MTO1: variants seen among roughly 807,000 people sequenced by gnomAD.
MTO1 encodes 5-taurinomethyluridine-[tRNA] synthase subunit MTO1, mitochondrial.
MTO1 carries 46 observed loss-of-function variants against 71.6 expected under a neutral mutation model. The observed-to-expected ratio is 0.64, with a 90% CI of 0.51 to 0.82. The LOEUF is 0.82. MTO1 is among the 40% of genes least tolerant of loss of function. The probability of loss-of-function intolerance (pLI) is 0.00; values close to 1 mark genes in which losing one functional copy is unlikely to be tolerated. For synonymous variants in MTO1, 297 were observed against 312.1 expected (o/e 0.95, Z 0.51); for missense variants, 773 against 867.5 (o/e 0.89, Z 1.37).
intron 9 of MTO1, among the ~76,000 whole-genome samples, chr6:73,483,361 A>G (rs907586011): frequency 6.6e-6 from 1 of 151,962 alleles, no homozygotes; most frequent in Non-Finnish European, 1.5e-5. Context: ...GTGAGCCAAG[A>G]TCACGCCTCT....
chr6:73,474,855 A>G (rs1431224835), intron 4 of MTO1, among the ~76,000 whole-genome samples: 1 of 151,730 alleles, frequency 6.6e-6, no homozygotes, highest in Non-Finnish European at 1.5e-5. Flanking sequence ...TCCCAGGTTC[A>G]AGCAATTCTC....
intron 10 of MTO1, among the ~76,000 whole-genome samples, chr6:73,493,556 A>G (rs1044239772): frequency 9.3e-5 from 14 of 151,322 alleles, no homozygotes; most frequent in Admixed American, 9.2e-4. Context: ...AGGCCCGGCA[A>G]ATTTTTGTAT....
chr6:73,462,291 C>T lies in MTO1; in HGVS notation c.217+220C>T, dbSNP rs1163578025. 5 of 595,450 alleles carry T rather than the reference C, an allele frequency of 8.4e-6. No homozygotes were observed. The East Asian group carries it at 1.1e-4, about 13-fold the overall frequency. The allele number at this position is 595,450 out of a possible 1,614,324, so 36.9% of individuals were successfully genotyped here. A position where few individuals can be genotyped will look rare whatever the true frequency, so the allele number is the denominator to read the frequency against. ...GAACCATAGATTATGCTGCTGCTGA[C>T]AGTCGTCCGTTGTAGGAGGTTGGGG... On this transcript the variant is annotated intron_variant, in intron 1 of 11. Coordinates refer to ENST00000498286, the MANE Select transcript of MTO1 (RefSeq NM_012123.4).
chr6:73,477,744 G>A (rs1197551508), intron 4 of MTO1, among the ~76,000 whole-genome samples: 2 of 151,758 alleles, frequency 1.3e-5, no homozygotes, highest in African/African-American at 4.8e-5. Context: ...TGGACTGAAG[G>A]GATCTGCCTG....
At chr6:73,487,561 T>G (rs1486057074) in intron 9 of MTO1, 4 of 150,918 alleles carry the variant, frequency 2.7e-5, no homozygotes, top group Non-Finnish European at 2.9e-5. Flanking sequence ...TGTGGGTTTT[T>G]TTTTTTTTTT....
chr6:73,465,605 GA>G (rs1460802120), intron 1 of MTO1, among the ~76,000 whole-genome samples: 3 of 152,128 alleles, frequency 2.0e-5, no homozygotes, highest in African/African-American at 4.8e-5. Context: ...ACTTGGTTTA[GA>G]AAGGTTTCAT....
rs554618928 is a variant in MTO1 at position 73,490,892 on chromosome 6, G to A, written c.1638-1342G>A. 6.6e-5 allele frequency among the ~76,000 whole-genome samples: 10 copies of A among 152,210 alleles called. No individual in the cohort carries two copies. The South Asian group carries it at 1.7e-3, about 25-fold the overall frequency. On this transcript the variant is annotated intron_variant, in intron 9 of 11. Coordinates refer to ENST00000498286, the MANE Select transcript of MTO1 (RefSeq NM_012123.4). ...TGGGGGCTTTGTAATATCAAGAGGG[G>A]AGACCTGAGATCAGTATAAAAGGGA... is the stretch of plus-strand genomic sequence containing the variant.
rs749354721 is a variant in MTO1, at chr6:73,462,046, C to T, written c.192C>T (p.Leu64=). The T allele has an allele frequency of 5.0e-6, 8 of 1,613,754 alleles. No individual in the cohort carries two copies. The highest frequency in any genetic ancestry group is 3.3e-5 in the Admixed American group (2 of 59,996). Residue 64 remains leucine (L), a synonymous_variant, in exon 1 of 12, where the codon CTC becomes CTT. Transcript: ENST00000498286. ...AAARCGSRTL[L]LTHRVDTIGQ... is the part of the protein sequence containing the mutation. ...CTCGGTGCGGCTCTCGGACTCTGCT[C>T]CTCACTCACCGCGTGGACACGATCG...
intron 5 of MTO1, 37 bp from the exon 6 acceptor site, chr6:73,479,899 T>A (rs779138781): frequency 6.2e-7 from 1 of 1,604,044 alleles, no homozygotes; most frequent in South Asian, 1.1e-5. Flanking sequence ...CAATCCTCTT[T>A]TGTTCATTTC....
chr6:73,473,307 G>GATACATAA, intron 3 of MTO1, 58 bp from the exon 4 acceptor site: 1 of 1,440,312 alleles, frequency 6.9e-7, no homozygotes, highest in Non-Finnish European at 9.4e-7. Context: ...TAGATACATA[G>GATACATAA]ATACATAAAT....
intron 9 of MTO1, chr6:73,487,731 C>A (rs1367355808): frequency 2.0e-5 from 3 of 152,074 alleles, no homozygotes; most frequent in Non-Finnish European, 4.4e-5. Flanking sequence ...TCCCCCACTC[C>A]TGGGAGGTCA....
chr6:73,473,786 A>ATTTTT, intron 4 of MTO1, 132 bp downstream of exon 4: 1 of 460,444 alleles, frequency 2.2e-6, no homozygotes, highest in Non-Finnish European at 3.5e-6. Context: ...CAAAGAAATG[A>ATTTTT]TTTTTTTTTT....
At chr6:73,497,042 G>T (rs1205620553) in intron 10 of MTO1, among the ~76,000 whole-genome samples, 1 of 150,540 alleles carries the variant, frequency 6.6e-6, no homozygotes, top group Non-Finnish European at 1.5e-5. Context: ...CAACAAGCAA[G>T]ACTCTGTCTC....
intron 4 of MTO1, among the ~76,000 whole-genome samples, chr6:73,475,136 TA>T (rs1334561111): frequency 6.6e-6 from 1 of 152,100 alleles, no homozygotes; most frequent in Non-Finnish European, 1.5e-5. Context: ...CATTTATTAT[TA>T]TTTTTAATAG....
In MTO1 at chr6:73,462,120, C is replaced by G. The variant is rs45554135; in HGVS notation, c.217+49C>G. 3,992 of 1,580,484 alleles carry G rather than the reference C, an allele frequency of 2.5e-3. 5 individuals are homozygous for G. The highest frequency in any genetic ancestry group is 3.1e-3 in the Non-Finnish European group (3,630 of 1,155,066). On this transcript the variant is annotated intron_variant, in intron 1 of 11. Coordinates refer to ENST00000498286, the MANE Select transcript of MTO1 (RefSeq NM_012123.4). ...ACTTGGCGTAGGACGCAGGCTGCTT[C>G]CTTCCCGCCTCCCCCGGTCTGAAGC...
intron 4 of MTO1, among the ~76,000 whole-genome samples, chr6:73,475,802 G>C (rs939881196): frequency 6.6e-6 from 1 of 151,816 alleles, no homozygotes; most frequent in Non-Finnish European, 1.5e-5. Context: ...GTGAGCCATC[G>C]CACCCAACTG....
intron 1 of MTO1, among the ~76,000 whole-genome samples, chr6:73,464,549 G>A (rs1052432997): frequency 3.3e-5 from 5 of 151,970 alleles, no homozygotes; most frequent in African/African-American, 1.2e-4. Flanking sequence ...GGAGGCAAAG[G>A]CGGGCAAATC....
chr6:73,494,395 C>T (rs969207682), intron 10 of MTO1, among the ~76,000 whole-genome samples: 1 of 151,712 alleles, frequency 6.6e-6, no homozygotes, highest in African/African-American at 2.4e-5. Flanking sequence ...GCTGTTCAAA[C>T]AGGAAAAGAC....
chr6:73,507,086 A>G lies in MTO1; in HGVS notation c.*6351A>G, dbSNP rs1184099030. On this transcript the variant is annotated 3_prime_UTR_variant, in exon 12 of 12. Transcript: ENST00000498286. ...TGTCTTACAATTAATGGCATCTGAC[A>G]GTTATAACTGGCAGCATTTGTGACT... 2 of 151,792 alleles carry G rather than the reference A, an allele frequency of 1.3e-5. No homozygotes were observed. The highest frequency in any genetic ancestry group is 2.4e-5 in the African/African-American group (1 of 41,320). The allele number at this position is 151,792 out of a possible 1,614,324, so 9.4% of individuals were successfully genotyped here. A position where few individuals can be genotyped will look rare whatever the true frequency, so the allele number is the denominator to read the frequency against.
Sources: gnomAD v4.1 joint callset for allele counts (sites outside exome capture counted in the v4.1 genomes callset) on GRCh38, gnomAD v4.1.1 for gene constraint, MANE v1.5 for transcripts, NCBI Gene and HGNC (gene_info 2026-07-23, HGNC 2026-07-21) for gene names.